The following RAD51B variants were observed in gnomAD, a reference collection of about 807,000 sequenced individuals.
RAD51B encodes RAD51 paralog B, also known as DNA repair protein RAD51 homolog 2.
RAD51B carries 38 observed loss-of-function variants against 42.2 expected under a neutral mutation model. The observed-to-expected ratio is 0.90, with a 90% CI of 0.70 to 1.18. The LOEUF (loss-of-function observed/expected upper bound fraction) is 1.18. Ranked by LOEUF, RAD51B falls within the 50% of genes most tolerant of loss-of-function variation. The pLI is 0.00. For synonymous variants in RAD51B, 154 were observed against 145.2 expected, an observed-to-expected ratio of 1.06 and a Z score of -0.43; for missense variants, 373 against 400.7, an observed-to-expected ratio of 0.93 and a Z score of 0.59.
intron 7 of RAD51B, among the ~76,000 whole-genome samples, chr14:68,248,856 G>T (rs1161803237): frequency 6.8e-6 from 1 of 146,426 alleles, no homozygotes; most frequent in Non-Finnish European, 1.5e-5. Flanking sequence ...GGCGGACACA[G>T]CCTGCAGGCA....
At chr14:68,140,061 C>T (rs905771289) in intron 7 of RAD51B, among the ~76,000 whole-genome samples, 26 of 152,176 alleles carry the variant, frequency 1.7e-4, no homozygotes, top group African/African-American at 6.3e-4. Context: ...CTGATCGTCT[C>T]ATTAAGCCCT....
At chr14:68,342,322 A>C (rs1161791998) in intron 8 of RAD51B, among the ~76,000 whole-genome samples, 2 of 152,224 alleles carry the variant, frequency 1.3e-5, no homozygotes, top group Non-Finnish European at 2.9e-5. Flanking sequence ...TCAGGGGGAA[A>C]GTCTTTGTTC....
chr14:67,851,905 C>T (rs10129402), intron 4 of RAD51B, among the ~76,000 whole-genome samples: 4,630 of 152,010 alleles, frequency 0.03, 218 homozygotes, highest in African/African-American at 0.1. Context: ...GAGGCCCTGC[C>T]CTGTAAGGAG....
intron 7 of RAD51B, among the ~76,000 whole-genome samples, chr14:68,009,592 G>A (rs1029758209): frequency 1.3e-5 from 2 of 151,656 alleles, no homozygotes; most frequent in African/African-American, 2.4e-5. Context: ...CCTAATATTC[G>A]TTCCTTCTAC....
chr14:67,831,072 A>G (rs2041026166), intron 3 of RAD51B, among the ~76,000 whole-genome samples: 1 of 151,264 alleles, frequency 6.6e-6, no homozygotes, highest in Non-Finnish European at 1.5e-5. Context: ...AGACGGTTTC[A>G]GCATGTTGGC....
intron 7 of RAD51B, among the ~76,000 whole-genome samples, chr14:68,118,970 T>C (rs1235686877): frequency 1.3e-5 from 2 of 152,136 alleles, no homozygotes; most frequent in Admixed American, 6.5e-5. Flanking sequence ...CTTTTTTTTT[T>C]TATTGAGACA....
intron 9 of RAD51B, among the ~76,000 whole-genome samples, chr14:68,452,182 G>GT (rs961031525): frequency 8.6e-5 from 13 of 151,852 alleles, no homozygotes; most frequent in South Asian, 2.1e-4. Context: ...TGTGCATCTT[G>GT]TTTTTTTTGG....
chr14:67,846,734 T>G (rs1407889292), intron 4 of RAD51B, among the ~76,000 whole-genome samples: 8 of 152,190 alleles, frequency 5.3e-5, no homozygotes, highest in Non-Finnish European at 1.2e-4. Flanking sequence ...GGTGCTTTGA[T>G]TGGACTGGCT....
chr14:67,858,488 T>C (rs1194593702), intron 4 of RAD51B, among the ~76,000 whole-genome samples: 2 of 152,190 alleles, frequency 1.3e-5, no homozygotes, highest in Admixed American at 6.5e-5. Context: ...GTTTGGGTTC[T>C]TTATAGGTAC....
At chr14:68,454,415 T>C (rs1473713210) in intron 9 of RAD51B, among the ~76,000 whole-genome samples, 1 of 123,018 alleles carries the variant, frequency 8.1e-6, no homozygotes, top group Non-Finnish European at 1.7e-5. Context: ...GTCTGAGGAG[T>C]GTTTATTTGA....
chr14:68,306,193 T>A (rs1264344334), intron 8 of RAD51B, among the ~76,000 whole-genome samples: 1 of 152,236 alleles, frequency 6.6e-6, no homozygotes, highest in East Asian at 1.9e-4. Flanking sequence ...ATGGCAGTTT[T>A]AAATAATTAT....
chr14:68,455,669 G>A (rs969349263), intron 9 of RAD51B, among the ~76,000 whole-genome samples: 4 of 152,004 alleles, frequency 2.6e-5, no homozygotes, highest in African/African-American at 9.7e-5. Flanking sequence ...GCAGTGAGCC[G>A]AGATTGCGCC....
At chr14:68,547,837 C>G (rs1299282183) in intron 10 of RAD51B, among the ~76,000 whole-genome samples, 1 of 152,210 alleles carries the variant, frequency 6.6e-6, no homozygotes, top group East Asian at 1.9e-4. Flanking sequence ...AACGAAAGCA[C>G]CCAGACCTGC....
At chr14:68,187,217 G>A (rs2079175953) in intron 7 of RAD51B, among the ~76,000 whole-genome samples, 1 of 152,166 alleles carries the variant, frequency 6.6e-6, no homozygotes, top group Non-Finnish European at 1.5e-5. Flanking sequence ...AAGGGAGGGA[G>A]GAATTGGGGA....
At position 67,870,031 on chromosome 14, in the gene RAD51B, T is replaced by C. The variant is rs368585531; in HGVS notation, c.452+4892T>C. Among the ~76,000 whole-genome samples the C allele has an allele frequency of 8.3e-3, 1,250 of 150,240 alleles. 16 individuals are homozygous for C. Among genetic ancestry groups the C allele is most frequent in the African/African-American group, 0.029 (1,177 of 40,654 alleles). On this transcript the variant is annotated intron_variant, in intron 5 of 10. Transcript: ENST00000471583. ...ACTAGGAAGAAACTGCATCAACTAA[T>C]GAGCAAAATAACCAGCTAACATCAT...
chr14:68,582,335 G>A (rs2140060817), intron 10 of RAD51B, among the ~76,000 whole-genome samples: 1 of 152,298 alleles, frequency 6.6e-6, no homozygotes, highest in South Asian at 2.1e-4. Flanking sequence ...CCATCAAAAA[G>A]TGGTCAAAGG....
intron 9 of RAD51B, among the ~76,000 whole-genome samples, chr14:68,466,943 A>T (rs577498987): frequency 1.3e-5 from 2 of 152,234 alleles, no homozygotes; most frequent in Non-Finnish European, 1.5e-5. Flanking sequence ...ACCACTTCTC[A>T]TAGTTGACAG....
chr14:68,490,237 T>G (rs1016237360), intron 10 of RAD51B, among the ~76,000 whole-genome samples: 9 of 152,186 alleles, frequency 5.9e-5, no homozygotes, highest in African/African-American at 2.2e-4. Flanking sequence ...AATTTATTTT[T>G]AAAGTATCAA....
intron 7 of RAD51B, among the ~76,000 whole-genome samples, chr14:68,201,607 A>C (rs960736825): frequency 2.0e-5 from 3 of 152,164 alleles, no homozygotes; most frequent in African/African-American, 7.2e-5. Context: ...TTTTCATACC[A>C]TGTTTCTCCT....
Sources: allele counts gnomAD v4.1 joint callset (sites outside exome capture counted in the v4.1 genomes callset), GRCh38; gene constraint gnomAD v4.1.1; transcripts MANE v1.5; gene names NCBI Gene and HGNC (gene_info 2026-07-23, HGNC 2026-07-21).